The following CTNNA2 variants were observed in gnomAD, a reference collection of about 807,000 sequenced individuals.
The protein encoded by CTNNA2 is catenin alpha 2, also known as catenin alpha-2.
CTNNA2 carries 42 observed loss-of-function variants against 101.0 expected under a neutral mutation model. The observed-to-expected ratio is 0.42, with a 90% CI of 0.32 to 0.54. CTNNA2 has a LOEUF of 0.54. CTNNA2 is among the 20% of genes least tolerant of loss of function. The pLI is 0.14. For synonymous variants in CTNNA2, 450 were observed against 456.4 expected (o/e 0.99, Z 0.18); for missense variants, 871 against 1,223.1 (o/e 0.71, Z 4.29).
At chr2:80,270,116 C>A (rs138044318) in intron 7 of CTNNA2, among the ~76,000 whole-genome samples, 16 of 152,118 alleles carry the variant, frequency 1.1e-4, no homozygotes, top group Non-Finnish European at 2.1e-4. Context: ...GAATTCGTTC[C>A]GATGAGAAAG....
intron 3 of CTNNA2, among the ~76,000 whole-genome samples, chr2:79,329,352 G>A (rs868233253): frequency 2.0e-5 from 3 of 152,114 alleles, no homozygotes; most frequent in Admixed American, 1.3e-4. Flanking sequence ...CCTGCCAGCT[G>A]TAAATAACTC....
intron 18 of CTNNA2, among the ~76,000 whole-genome samples, chr2:80,620,666 C>T (rs1473930861): frequency 6.6e-6 from 1 of 151,956 alleles, no homozygotes; most frequent in Non-Finnish European, 1.5e-5. Flanking sequence ...CCTCTTAAGT[C>T]TCTGACCTAC....
At chr2:79,807,661 A>G (rs1676686112) in intron 3 of CTNNA2, among the ~76,000 whole-genome samples, 1 of 152,210 alleles carries the variant, frequency 6.6e-6, no homozygotes, top group Non-Finnish European at 1.5e-5. Context: ...TGTTACATTG[A>G]ATGAATAGCA....
chr2:79,523,869 C>T (rs1305478398), intron 1 of CTNNA2, among the ~76,000 whole-genome samples: 3 of 151,960 alleles, frequency 2.0e-5, no homozygotes, highest in Non-Finnish European at 4.4e-5. Flanking sequence ...GTCTAATGGC[C>T]TAATGTCTTG....
Position 80,608,198 on chromosome 2 carries a change from A to G in CTNNA2, c.2310A>G (p.Ala770=), listed in dbSNP as rs780650837. 29 of 1,609,948 alleles carry G rather than the reference A, an allele frequency of 1.8e-5. No homozygotes were observed. The Admixed American group carries it at 2.8e-4, about 16-fold the overall frequency. ...RAVADQCPDS[A]CKQDLLAYLQ... is the part of the protein sequence containing the mutation. Reference sequence around the variant, plus strand: ...ATGTTTTATAGTGTCCTGATTCAGCATGTAAGCAGGATTTATTAGCCTACC... The same window carrying G: ...ATGTTTTATAGTGTCCTGATTCAGCGTGTAAGCAGGATTTATTAGCCTACC... The change falls in exon 17 of 19, where the codon GCA becomes GCG. Residue 770 remains alanine, a synonymous_variant. Coordinates refer to ENST00000402739, the MANE Select transcript of CTNNA2 (RefSeq NM_001282597.3).
At chr2:79,915,292 TACACACACACACAAACACACAC>T (rs959964387) in intron 7 of CTNNA2, among the ~76,000 whole-genome samples, 4 of 109,616 alleles carry the variant, frequency 3.6e-5, no homozygotes, top group African/African-American at 1.6e-4. Context: ...GTGGTATATT[TACACACACACACAAACACACAC>T]ACACACACAC....
chr2:79,503,036 G>A (rs1005110646), intron 4 of CTNNA2, among the ~76,000 whole-genome samples: 6 of 152,094 alleles, frequency 3.9e-5, no homozygotes, highest in African/African-American at 9.7e-5. Flanking sequence ...TAACAGCAGA[G>A]GTCCAGCTCA....
chr2:80,477,872 G>A (rs1390797377), intron 9 of CTNNA2, among the ~76,000 whole-genome samples: 1 of 151,826 alleles, frequency 6.6e-6, no homozygotes, highest in Non-Finnish European at 1.5e-5. Flanking sequence ...GGTATTTTTT[G>A]ATATAAGGAC....
At position 80,628,583 on chromosome 2, in the gene CTNNA2, C is replaced by T. The variant is rs1293670495; in HGVS notation, c.2574+9355C>T. 3.3e-5 allele frequency among the ~76,000 whole-genome samples: 5 copies of T among 151,356 alleles called. 1 individual carries two copies. The highest frequency in any genetic ancestry group is 4.2e-4 in the South Asian group (2 of 4,808). On this transcript the variant is annotated intron_variant, in intron 18 of 18. Coordinates refer to ENST00000402739, the MANE Select transcript of CTNNA2 (RefSeq NM_001282597.3). The stretch of plus-strand genomic sequence containing the variant: ...ACACCTTACACAAAACCTATTCTTA[C>T]ACCTTATACAAAACCTATTCTTTGT...
chr2:80,256,950 G>A (rs755938617), intron 7 of CTNNA2, among the ~76,000 whole-genome samples: 1 of 152,128 alleles, frequency 6.6e-6, no homozygotes, highest in Non-Finnish European at 1.5e-5. Flanking sequence ...GAGGAGTTCA[G>A]TTCCCCATTT....
intron 3 of CTNNA2, among the ~76,000 whole-genome samples, chr2:79,351,479 T>A (rs1171555798): frequency 6.6e-6 from 1 of 152,182 alleles, no homozygotes; most frequent in African/African-American, 2.4e-5. Context: ...TGCATGTTTG[T>A]TGCATAGGTA....
chr2:79,468,180 G>A (rs1670959582), intron 4 of CTNNA2, among the ~76,000 whole-genome samples: 1 of 152,118 alleles, frequency 6.6e-6, no homozygotes, highest in East Asian at 1.9e-4. Flanking sequence ...AGGGGTGGAG[G>A]AAGATCTACC....
At chr2:80,370,789 G>T (rs1675370865) in intron 7 of CTNNA2, among the ~76,000 whole-genome samples, 4 of 152,136 alleles carry the variant, frequency 2.6e-5, no homozygotes, top group Admixed American at 2.0e-4. Context: ...TCATCACTAG[G>T]TTCATGGCTG....
At chr2:79,818,933 G>T (rs1387894037) in intron 3 of CTNNA2, among the ~76,000 whole-genome samples, 1 of 135,980 alleles carries the variant, frequency 7.4e-6, no homozygotes, top group African/African-American at 2.9e-5. Flanking sequence ...ACACACAAAA[G>T]TATTGCTTTA....
chr2:80,519,335 C>T (rs1689343362), intron 9 of CTNNA2, among the ~76,000 whole-genome samples: 2 of 152,124 alleles, frequency 1.3e-5, no homozygotes, highest in Non-Finnish European at 2.9e-5. Context: ...ATTGCCAAAT[C>T]CAGACCGAAA....
intron 4 of CTNNA2, among the ~76,000 whole-genome samples, chr2:79,453,829 T>C (rs2104529099): frequency 6.6e-6 from 1 of 152,244 alleles, no homozygotes; most frequent in East Asian, 1.9e-4. Context: ...TGGAGATGTA[T>C]GAGAGGCCAT....
intron 1 of CTNNA2, among the ~76,000 whole-genome samples, chr2:79,561,069 A>G (rs1183670647): frequency 6.6e-6 from 1 of 151,960 alleles, no homozygotes; most frequent in African/African-American, 2.4e-5. Context: ...GAAACCCCAT[A>G]CATAATAGCA....
intron 7 of CTNNA2, among the ~76,000 whole-genome samples, chr2:80,333,643 G>T (rs545432439): frequency 6.6e-5 from 10 of 152,138 alleles, no homozygotes; most frequent in Admixed American, 6.5e-4. Flanking sequence ...TCTGGGGGAG[G>T]TGGTGGGGGG....
chr2:79,573,200 G>A (rs1247569020), intron 1 of CTNNA2, among the ~76,000 whole-genome samples: 1 of 152,186 alleles, frequency 6.6e-6, no homozygotes, highest in Admixed American at 6.5e-5. Flanking sequence ...GGCTGAATCT[G>A]TGTAAAGCAA....
Sources: allele counts gnomAD v4.1 joint callset (sites outside exome capture counted in the v4.1 genomes callset), GRCh38; gene constraint gnomAD v4.1.1; transcripts MANE v1.5; gene names NCBI Gene and HGNC (gene_info 2026-07-23, HGNC 2026-07-21).